JARID2: variants seen among roughly 807,000 people sequenced by gnomAD.
JARID2 encodes protein Jumonji.
In JARID2, 21 loss-of-function variants were observed where a neutral mutation model predicts 125.6. That is an observed-to-expected ratio of 0.17 (90% CI 0.12 to 0.24). The LOEUF is 0.24. Among genes scored for constraint, JARID2 ranks in the 10% least tolerant of loss-of-function variants. The pLI, the probability that JARID2 is intolerant of heterozygous loss-of-function variation, is 1.00. For synonymous variants in JARID2, 736 were observed against 661.6 expected, an observed-to-expected ratio of 1.11 and a Z score of -1.73; for missense variants, 1,303 against 1,639.6, an observed-to-expected ratio of 0.79 and a Z score of 3.55.
At chr6:15,517,352 C>T (rs1771613205) in intron 17 of JARID2, 84 bp downstream of exon 17, 17 of 925,176 alleles carry the variant, frequency 1.8e-5, no homozygotes, top group Non-Finnish European at 2.6e-5. Flanking sequence ...TCCGGCCTGG[C>T]AGTTCTGTGC....
At chr6:15,467,787 G>A (rs1406945132) in intron 4 of JARID2, among the ~76,000 whole-genome samples, 1 of 152,122 alleles carries the variant, frequency 6.6e-6, no homozygotes, top group Non-Finnish European at 1.5e-5. Flanking sequence ...CACTCAGCTT[G>A]GGCAACAGAG....
At chr6:15,263,992 C>G (rs950852535) in intron 1 of JARID2, among the ~76,000 whole-genome samples, 3 of 152,228 alleles carry the variant, frequency 2.0e-5, no homozygotes, top group Admixed American at 2.0e-4. Context: ...TTCCTGGGCT[C>G]AAGCGATCCT....
chr6:15,298,960 G>C lies in JARID2; in HGVS notation c.45+52376G>C, dbSNP rs145518858. On this transcript the variant is annotated intron_variant, in intron 1 of 17. Transcript: ENST00000341776. The stretch of plus-strand genomic sequence containing the variant: ...CTAGAACAAGAGAAGTTAGTGCTGG[G>C]TATCCTTAAATGTGTTCTGAGAATG... 1.8e-3 allele frequency among the ~76,000 whole-genome samples: 244 copies of C among 133,738 alleles called. 1 individual carries two copies. The highest frequency in any genetic ancestry group is 6.2e-3 in the African/African-American group (222 of 35,818). The allele number at this position is 133,738 out of a possible 152,430, so 87.7% of individuals were successfully genotyped here.
At chr6:15,305,500 T>C (rs967726597) in intron 1 of JARID2, among the ~76,000 whole-genome samples, 6 of 152,206 alleles carry the variant, frequency 3.9e-5, no homozygotes, top group Non-Finnish European at 7.4e-5. Context: ...TAGCTTAGCT[T>C]AGAGTTAAAA....
At chr6:15,459,179 T>G (rs1036003667) in intron 4 of JARID2, among the ~76,000 whole-genome samples, 2 of 152,210 alleles carry the variant, frequency 1.3e-5, no homozygotes, top group African/African-American at 4.8e-5. Flanking sequence ...AGCCCAGAAT[T>G]GATACCTGAG....
At chr6:15,248,845 G>C (rs568385611) in intron 1 of JARID2, 18,005 of 927,600 alleles carry the variant, frequency 0.019, 222 homozygotes, top group Non-Finnish European at 0.02. Context: ...GGCGGGGGGA[G>C]GAGGGAGCTG....
intron 1 of JARID2, chr6:15,247,685 C>T (rs1759237997): frequency 1.0e-6 from 1 of 985,258 alleles, no homozygotes; most frequent in South Asian, 4.7e-5. Context: ...CTTCGGGGCA[C>T]TGGTTTTGTA....
At chr6:15,485,753 C>T (rs867394652) in intron 5 of JARID2, among the ~76,000 whole-genome samples, 6 of 152,006 alleles carry the variant, frequency 3.9e-5, no homozygotes, top group Admixed American at 6.5e-5. Flanking sequence ...AAAAAGTAAA[C>T]GGCAAAAGAG....
chr6:15,250,694 G>C (rs998565925), intron 1 of JARID2, among the ~76,000 whole-genome samples: 9 of 152,246 alleles, frequency 5.9e-5, no homozygotes, highest in Admixed American at 1.3e-4. Flanking sequence ...TGTAGCCACT[G>C]GCCCAAATAG....
rs1349571398 is a variant in JARID2 at position 15,520,758 on chromosome 6, G to A, written c.*507G>A. 4.4e-6 allele frequency: 2 copies of A among 455,796 alleles called. No individual in the cohort carries two copies. Among genetic ancestry groups the A allele is most frequent in the African/African-American group, 4.0e-5 (2 of 50,022 alleles). 28.2% of individuals were successfully genotyped at this position (455,796 alleles called of 1,614,324 possible). On this transcript the variant is annotated 3_prime_UTR_variant, in exon 18 of 18. Coordinates refer to ENST00000341776, the MANE Select transcript of JARID2 (RefSeq NM_004973.4). ...TGTCGTCTTCTGCCGTGTGCCAGAT[G>A]AGCTTGTGATCTGGGAAGCCGGGGC... is the stretch of plus-strand genomic sequence containing the variant.
intron 1 of JARID2, among the ~76,000 whole-genome samples, chr6:15,255,791 G>T (rs1759641299): frequency 6.6e-6 from 1 of 152,172 alleles, no homozygotes; most frequent in South Asian, 2.1e-4. Flanking sequence ...CTGAGTGAAT[G>T]CTTATTCTGT....
chr6:15,413,008 G>GTTGTTTTTT (rs1765958446), intron 3 of JARID2, among the ~76,000 whole-genome samples: 1 of 47,474 alleles, frequency 2.1e-5, no homozygotes, highest in Non-Finnish European at 3.7e-5. Context: ...TTGTGTTTTT[G>GTTGTTTTTT]TTTTTTTTTT....
At chr6:15,438,285 G>A (rs1767298721) in intron 3 of JARID2, among the ~76,000 whole-genome samples, 1 of 152,146 alleles carries the variant, frequency 6.6e-6, no homozygotes. Context: ...GGCATGTTGA[G>A]GCTGGCGGAA....
chr6:15,255,794 T>G (rs1759641484), intron 1 of JARID2, among the ~76,000 whole-genome samples: 3 of 152,222 alleles, frequency 2.0e-5, no homozygotes, highest in Non-Finnish European at 4.4e-5. Flanking sequence ...AGTGAATGCT[T>G]ATTCTGTTAA....
chr6:15,512,249 C>T lies in JARID2; in HGVS notation c.2994C>T (p.His998=). ...TGTGCAAAGAGGGGATCAAGGTGCACAGGACCGTGCAGCAGAGTGGCCAGT... is the reference window on the plus strand; with the variant it reads ...TGTGCAAAGAGGGGATCAAGGTGCATAGGACCGTGCAGCAGAGTGGCCAGT... The part of the protein sequence containing the change: ...EVLCKEGIKV[H]RTVQQSGQFV... The change falls in exon 14 of 18, where the codon CAC becomes CAT. Residue 998 remains histidine, a synonymous_variant. Coordinates refer to ENST00000341776, the MANE Select transcript of JARID2 (RefSeq NM_004973.4). 6.2e-7 allele frequency: 1 copy of T among 1,614,152 alleles called. No homozygotes were observed. Among genetic ancestry groups the T allele is most frequent in the Non-Finnish European group, 8.5e-7 (1 of 1,180,022 alleles).
intron 7 of JARID2, among the ~76,000 whole-genome samples, chr6:15,498,972 G>A (rs988551032): frequency 5.3e-5 from 8 of 152,188 alleles, no homozygotes; most frequent in South Asian, 2.1e-4. Flanking sequence ...ATGGAGCCTC[G>A]AGAGCACACT....
intron 5 of JARID2, among the ~76,000 whole-genome samples, chr6:15,471,565 C>G (rs780745842): frequency 6.6e-6 from 1 of 152,128 alleles, no homozygotes; most frequent in Non-Finnish European, 1.5e-5. Context: ...TATCTGACGT[C>G]TTGATCAGTT....
chr6:15,282,073 G>A (rs1760774389), intron 1 of JARID2, among the ~76,000 whole-genome samples: 1 of 151,936 alleles, frequency 6.6e-6, no homozygotes, highest in Non-Finnish European at 1.5e-5. Context: ...TGGTAGCTGG[G>A]ACTACAGGTG....
At chr6:15,368,269 A>G (rs1764045979) in intron 1 of JARID2, among the ~76,000 whole-genome samples, 1 of 152,138 alleles carries the variant, frequency 6.6e-6, no homozygotes, top group Non-Finnish European at 1.5e-5. Context: ...TAAAATGAGT[A>G]GAGGAGAGCA....
Sources: gnomAD v4.1 joint callset for allele counts (sites outside exome capture counted in the v4.1 genomes callset) on GRCh38, gnomAD v4.1.1 for gene constraint, MANE v1.5 for transcripts, NCBI Gene and HGNC (gene_info 2026-07-23, HGNC 2026-07-21) for gene names.